The following PHF24 variants were observed in gnomAD, a reference collection of about 807,000 sequenced individuals.
PHF24 encodes PHD finger protein 24, also known as Galpha inhibitory interacting protein.
A neutral mutation model predicts 42.6 loss-of-function variants in PHF24; 25 were observed. That is an observed-to-expected ratio of 0.59 (90% CI 0.43 to 0.82). The LOEUF (loss-of-function observed/expected upper bound fraction) is 0.82. Ranked by LOEUF, PHF24 falls within the 40% of genes least tolerant of loss-of-function variation. The pLI is 0.00. For missense variants in PHF24, 470 were observed against 538.1 expected (o/e 0.87, Z 1.25); for synonymous variants, 185 against 204.8 (o/e 0.90, Z 0.83).
At chr9:34,790,040 G>T in the PHF24 span, among the ~76,000 whole-genome samples, 1 of 152,062 alleles carries the variant, frequency 6.6e-6, no homozygotes, top group African/African-American at 2.4e-5. Flanking sequence ...TAGAGTCAGG[G>T]TCTCACTATA....
chr9:34,746,741 T>G, the PHF24 span, among the ~76,000 whole-genome samples: 1 of 152,210 alleles, frequency 6.6e-6, no homozygotes, highest in Non-Finnish European at 1.5e-5. Context: ...AGGCATGCCC[T>G]GCTCCCAGAG....
the PHF24 span, chr9:34,917,155 C>G: frequency 8.1e-7 from 1 of 1,233,048 alleles, no homozygotes. Flanking sequence ...GTCTGCTCGG[C>G]ACCCAGAACA....
the PHF24 span, chr9:34,837,365 G>A: frequency 2.6e-6 from 1 of 384,866 alleles, no homozygotes; most frequent in Non-Finnish European, 4.9e-6. Context: ...CCCATGTTAT[G>A]GCAAACAAGA....
At chr9:34,755,640 A>T in the PHF24 span, among the ~76,000 whole-genome samples, 5 of 151,652 alleles carry the variant, frequency 3.3e-5, no homozygotes, top group African/African-American at 9.7e-5. Flanking sequence ...TATGATTATT[A>T]ATATTTTAAT....
At chr9:34,760,667 A>G in the PHF24 span, among the ~76,000 whole-genome samples, 2 of 152,158 alleles carry the variant, frequency 1.3e-5, no homozygotes, top group African/African-American at 4.8e-5. Context: ...CCCCCACCCA[A>G]TACTCCTAGT....
At chr9:34,922,569 TAGA>T in the PHF24 span, 4 of 968,406 alleles carry the variant, frequency 4.1e-6, no homozygotes, top group African/African-American at 4.8e-5. Flanking sequence ...CATTTTCAAA[TAGA>T]AGAATTTGCT....
the PHF24 span, among the ~76,000 whole-genome samples, chr9:34,884,785 C>T: frequency 6.6e-6 from 1 of 152,196 alleles, no homozygotes; most frequent in East Asian, 1.9e-4. Context: ...GGTGGCATGA[C>T]AGGACTGAAC....
the PHF24 span, among the ~76,000 whole-genome samples, chr9:34,862,215 T>A: frequency 1.2e-4 from 18 of 152,260 alleles, no homozygotes; most frequent in South Asian, 3.7e-3. Flanking sequence ...ACTCAAAACG[T>A]GGTCTAGACC....
the PHF24 span, among the ~76,000 whole-genome samples, chr9:34,697,411 C>T: frequency 3.9e-5 from 6 of 152,142 alleles, no homozygotes; most frequent in African/African-American, 1.4e-4. Context: ...CCTCCACCTC[C>T]TGGGTTCAAG....
At chr9:34,673,212 C>T in the PHF24 span, among the ~76,000 whole-genome samples, 1 of 151,974 alleles carries the variant, frequency 6.6e-6, no homozygotes, top group Non-Finnish European at 1.5e-5. Context: ...AAAAATTAGC[C>T]AGTCGTGGTG....
chr9:34,818,973 G>T, the PHF24 span, among the ~76,000 whole-genome samples: 2 of 152,126 alleles, frequency 1.3e-5, no homozygotes, highest in Non-Finnish European at 2.9e-5. Flanking sequence ...ACAGTTTCAA[G>T]TTTTGTATTA....
chr9:34,933,825 G>T, the PHF24 span, among the ~76,000 whole-genome samples: 3 of 151,416 alleles, frequency 2.0e-5, no homozygotes, highest in South Asian at 6.3e-4. Flanking sequence ...CCAGGCTGGA[G>T]TGCAGTGGCA....
chr9:34,863,529 T>A, the PHF24 span, among the ~76,000 whole-genome samples: 1 of 152,158 alleles, frequency 6.6e-6, no homozygotes, highest in African/African-American at 2.4e-5. Context: ...TTCTGGGTCT[T>A]ATTCAAGATT....
At chr9:34,799,687 A>T in the PHF24 span, among the ~76,000 whole-genome samples, 1 of 152,188 alleles carries the variant, frequency 6.6e-6, no homozygotes, top group Non-Finnish European at 1.5e-5. Flanking sequence ...TTTGTGCAAG[A>T]TTTAATTTTC....
At chr9:34,744,457 T>C in the PHF24 span, among the ~76,000 whole-genome samples, 3 of 152,202 alleles carry the variant, frequency 2.0e-5, no homozygotes, top group Non-Finnish European at 2.9e-5. Context: ...GGCTCAGTGC[T>C]GCATACTCAG....
chr9:34,707,818 G>T, the PHF24 span, among the ~76,000 whole-genome samples: 1 of 151,798 alleles, frequency 6.6e-6, no homozygotes, highest in Admixed American at 6.6e-5. Context: ...TGCAACCTCC[G>T]CCTCCTGGGT....
At chr9:34,757,166 G>A in the PHF24 span, among the ~76,000 whole-genome samples, 1 of 152,080 alleles carries the variant, frequency 6.6e-6, no homozygotes, top group Non-Finnish European at 1.5e-5. Context: ...GTCTCCCAAA[G>A]TGCTGGGATT....
chr9:34,831,857 A>G, the PHF24 span, among the ~76,000 whole-genome samples: 1 of 152,206 alleles, frequency 6.6e-6, no homozygotes, highest in African/African-American at 2.4e-5. Context: ...TGGATTTTCT[A>G]GAAAGATCTT....
At chr9:34,846,779 A>G in the PHF24 span, among the ~76,000 whole-genome samples, 1 of 152,140 alleles carries the variant, frequency 6.6e-6, no homozygotes, top group Admixed American at 6.6e-5. Flanking sequence ...TTTTTGTATA[A>G]GGTGTAAGGA....
Sources: allele counts gnomAD v4.1 joint callset (sites outside exome capture counted in the v4.1 genomes callset), GRCh38; gene constraint gnomAD v4.1.1; transcripts MANE v1.5; gene names NCBI Gene and HGNC (gene_info 2026-07-23, HGNC 2026-07-21).